The following AFF2 variants were observed in gnomAD, a reference collection of about 807,000 sequenced individuals.
AFF2 encodes the protein AF4/FMR2 family member 2.
Under a neutral mutation model 76.9 loss-of-function variants are expected in AFF2, and 14 were observed. That is an observed-to-expected ratio of 0.18 (90% CI 0.12 to 0.28). The LOEUF is 0.28. AFF2 is among the 10% of genes least tolerant of loss of function. AFF2 has a pLI of 1.00. For synonymous variants in AFF2, 398 were observed against 366.7 expected (o/e 1.09, Z -0.98); for missense variants, 868 against 1,001.1 (o/e 0.87, Z 1.79).
rs1001399841 is a variant in AFF2, at chrX:148,995,513, C to A, written c.*4181C>A. On this transcript the variant is annotated 3_prime_UTR_variant, in exon 21 of 21. Transcript: ENST00000370460. ...GGCGGGGGGGTGGGGGGTGGGGAAG[C>A]CCCACAAAGCCAGATTGCAGTTCTT... The A allele has an allele frequency of 3.7e-5, 4 of 107,757 alleles. No homozygotes were observed. Among genetic ancestry groups the A allele is most frequent in the Non-Finnish European group, 7.7e-5 (4 of 52,011 alleles). The allele number at this position is 107,757 out of a possible 1,213,427, so 8.9% of individuals were successfully genotyped here.
At chrX:148,822,036 G>T (rs1186246757) in intron 4 of AFF2, 1 of 112,212 alleles carries the variant, frequency 8.9e-6, no homozygotes, top group Non-Finnish European at 1.9e-5. Context: ...AAGTTAATAA[G>T]CAGATAATAG....
At chrX:148,782,503 A>C (rs886180982) in intron 3 of AFF2, among the ~76,000 whole-genome samples, 1 of 112,324 alleles carries the variant, frequency 8.9e-6, no homozygotes, top group South Asian at 3.7e-4. Context: ...AAGACAAATC[A>C]GATTCACAGT....
intron 8 of AFF2, among the ~76,000 whole-genome samples, chrX:148,893,794 A>T (rs182898467): frequency 8.9e-6 from 1 of 112,044 alleles, no homozygotes; most frequent in Non-Finnish European, 1.9e-5. Flanking sequence ...AGAGTGTGGC[A>T]GTGAGAGAGC....
At chrX:148,673,839 C>T (rs185186504) in intron 3 of AFF2, among the ~76,000 whole-genome samples, 6 of 111,752 alleles carry the variant, frequency 5.4e-5, no homozygotes, top group African/African-American at 9.7e-5. Flanking sequence ...AACTTGACTG[C>T]GACTATGAGA....
At chrX:148,630,651 G>A (rs1557252912) in intron 1 of AFF2, among the ~76,000 whole-genome samples, 1 of 111,830 alleles carries the variant, frequency 8.9e-6, no homozygotes, top group African/African-American at 3.3e-5. Flanking sequence ...TGCCGCTCCT[G>A]TGTCCATTCC....
chrX:148,606,577 A>G (rs191365960), intron 1 of AFF2, among the ~76,000 whole-genome samples: 4 of 111,192 alleles, frequency 3.6e-5, no homozygotes, highest in Non-Finnish European at 5.7e-5. Context: ...AGTAGCCTGC[A>G]TATTTTCTAT....
chrX:148,638,459 A>C (rs1557254196), intron 1 of AFF2, among the ~76,000 whole-genome samples: 1 of 111,442 alleles, frequency 9.0e-6, no homozygotes, highest in African/African-American at 3.3e-5. Flanking sequence ...CACCCGCATG[A>C]TCCAATCACC....
chrX:148,994,025 G>A lies in AFF2; in HGVS notation c.*2693G>A, dbSNP rs782052192. On this transcript the variant is annotated 3_prime_UTR_variant, in exon 21 of 21. Transcript: ENST00000370460. ...GAATCTCTTCAGTATACCAGTTTGTGGGAGGGATATGAGACATGTGGATGG... is the reference window on the plus strand; with the variant it reads ...GAATCTCTTCAGTATACCAGTTTGTAGGAGGGATATGAGACATGTGGATGG... The A allele has an allele frequency of 8.9e-6, 1 of 112,202 alleles. No individual in the cohort carries two copies. The highest frequency in any genetic ancestry group is 3.8e-4 in the South Asian group (1 of 2,633). The allele number at this position is 112,202 out of a possible 1,213,427, so 9.2% of individuals were successfully genotyped here. A position where few individuals can be genotyped will look rare whatever the true frequency, so the allele number is the denominator to read the frequency against.
chrX:148,898,177 A>T lies in AFF2; in HGVS notation c.1360-6044A>T, dbSNP rs782223530. Among the ~76,000 whole-genome samples, 9 of 112,030 alleles carry T rather than the reference A, an allele frequency of 8.0e-5. No individual in the cohort carries two copies. In the South Asian group the frequency reaches 3.4e-3, roughly 42 times the overall value. The stretch of plus-strand genomic sequence containing the variant: ...TGTTATCACGTCATCTTTGGGCTGG[A>T]TGCTCACAAAACTCTGGCTTCCATG... On this transcript the variant is annotated intron_variant, in intron 8 of 20. Transcript: ENST00000370460.
At chrX:148,542,923 C>T (rs2052875972) in intron 1 of AFF2, among the ~76,000 whole-genome samples, 1 of 111,859 alleles carries the variant, frequency 8.9e-6, no homozygotes. Flanking sequence ...CTTTTCCCTC[C>T]AAACCATAGA....
chrX:148,965,868 A>G (rs1009022260), intron 13 of AFF2, among the ~76,000 whole-genome samples: 1 of 111,668 alleles, frequency 9.0e-6, no homozygotes, highest in Non-Finnish European at 1.9e-5. Flanking sequence ...GAGAGATACC[A>G]ATTCAGAAGA....
chrX:148,822,326 C>T (rs1355002971), intron 4 of AFF2: 1 of 111,199 alleles, frequency 9.0e-6, no homozygotes, highest in African/African-American at 3.3e-5. Flanking sequence ...AAGAAGGATT[C>T]AACTCTATAG....
intron 4 of AFF2, among the ~76,000 whole-genome samples, chrX:148,821,373 A>T (rs187358822): frequency 9.0e-6 from 1 of 110,798 alleles, no homozygotes; most frequent in Non-Finnish European, 1.9e-5. Flanking sequence ...AAAGTGTTCA[A>T]TAGAGGCACT....
chrX:148,876,996 A>G (rs1177591521), intron 7 of AFF2, among the ~76,000 whole-genome samples: 1 of 111,886 alleles, frequency 8.9e-6, no homozygotes, highest in Non-Finnish European at 1.9e-5. Flanking sequence ...ACTCTAGCCT[A>G]TACAACTGCT....
At chrX:148,854,037 A>C (rs782484584) in intron 7 of AFF2, among the ~76,000 whole-genome samples, 1 of 111,961 alleles carries the variant, frequency 8.9e-6, no homozygotes, top group Admixed American at 9.5e-5. Flanking sequence ...CAGCGCTTTA[A>C]AATTTTGATA....
intron 3 of AFF2, among the ~76,000 whole-genome samples, chrX:148,773,746 G>GAAAGAAAGAA (rs782497527): frequency 2.9e-5 from 2 of 69,182 alleles, no homozygotes; most frequent in African/African-American, 5.2e-5. Context: ...AAGAAAGAAA[G>GAAAGAAAGAA]AGAAAGAAAG....
chrX:148,667,506 T>A (rs2054371902), intron 3 of AFF2, among the ~76,000 whole-genome samples: 1 of 112,097 alleles, frequency 8.9e-6, no homozygotes, highest in African/African-American at 3.2e-5. Context: ...GATAAAGACG[T>A]ACCTGAGTCT....
chrX:148,581,225 T>C (rs868977644), intron 1 of AFF2, among the ~76,000 whole-genome samples: 1 of 18,476 alleles, frequency 5.4e-5, no homozygotes, highest in Non-Finnish European at 8.6e-5. Flanking sequence ...ATATATAATA[T>C]ACGTATACGT....
intron 1 of AFF2, among the ~76,000 whole-genome samples, chrX:148,544,601 A>T (rs782566922): frequency 2.7e-5 from 3 of 112,052 alleles, no homozygotes; most frequent in African/African-American, 9.7e-5. Context: ...TGAGATTAAT[A>T]TTTTCTCCCT....
Sources: gnomAD v4.1 joint callset for allele counts (sites outside exome capture counted in the v4.1 genomes callset) on GRCh38, gnomAD v4.1.1 for gene constraint, MANE v1.5 for transcripts, NCBI Gene and HGNC (gene_info 2026-07-23, HGNC 2026-07-21) for gene names.